Variants in DMD observed in about 807,000 individuals in gnomAD.
DMD encodes dystrophin, also known as mutant dystrophin.
A neutral mutation model predicts 330.1 loss-of-function variants in DMD; 63 were observed. The observed-to-expected ratio is 0.19, with a 90% CI of 0.16 to 0.24. The LOEUF (loss-of-function observed/expected upper bound fraction) is 0.24. Ranked by LOEUF, DMD falls within the 10% of genes least tolerant of loss-of-function variation. The pLI, the probability that DMD is intolerant of heterozygous loss-of-function variation, is 1.00. For synonymous variants in DMD, 1,223 were observed against 959.8 expected, an observed-to-expected ratio of 1.27 and a Z score of -5.07; for missense variants, 3,344 against 2,684.1, an observed-to-expected ratio of 1.25 and a Z score of -5.43.
intron 11 of DMD, among the ~76,000 whole-genome samples, chrX:32,625,600 A>G (rs1335035701): frequency 2.7e-5 from 3 of 112,317 alleles, no homozygotes; most frequent in African/African-American, 9.7e-5. Flanking sequence ...TCCATATACA[A>G]ATTTATAAAT....
At chrX:32,816,770 T>C in intron 5 of DMD, 130 bp from the exon 6 acceptor site, 1 of 601,994 alleles carries the variant, frequency 1.7e-6, no homozygotes, top group Admixed American at 2.7e-5. Context: ...TGAGACATAA[T>C]AGATTCTACC....
chrX:33,112,579 A>T (rs1224224241), intron 1 of DMD, among the ~76,000 whole-genome samples: 5 of 111,453 alleles, frequency 4.5e-5, no homozygotes, highest in African/African-American at 6.5e-5. Context: ...TTGGAAGTGT[A>T]CCGTCCTATC....
At chrX:31,805,087 T>C (rs1255879415) in intron 50 of DMD, among the ~76,000 whole-genome samples, 1 of 111,633 alleles carries the variant, frequency 9.0e-6, no homozygotes, top group Non-Finnish European at 1.9e-5. Context: ...GTCAGATTAG[T>C]ATATTGATAA....
At chrX:32,096,795 A>G (rs377168138) in intron 44 of DMD, among the ~76,000 whole-genome samples, 1 of 111,756 alleles carries the variant, frequency 8.9e-6, no homozygotes. Context: ...CGAGTCAACC[A>G]TCATTAAGAC....
chrX:32,795,765 T>A (rs190377994), intron 7 of DMD, among the ~76,000 whole-genome samples: 1 of 110,773 alleles, frequency 9.0e-6, no homozygotes, highest in African/African-American at 3.3e-5. Flanking sequence ...AATTTAACAG[T>A]AAAAAAATAA....
chrX:32,996,765 C>T (rs1199072446), intron 2 of DMD, among the ~76,000 whole-genome samples: 2 of 107,809 alleles, frequency 1.9e-5, no homozygotes, highest in Non-Finnish European at 3.8e-5. Flanking sequence ...TGCAGTGAGC[C>T]GAGATAGTGC....
At chrX:31,243,555 C>T (rs2048555438) in intron 63 of DMD, among the ~76,000 whole-genome samples, 1 of 112,330 alleles carries the variant, frequency 8.9e-6, no homozygotes, top group Non-Finnish European at 1.9e-5. Flanking sequence ...AGAAGAAAAA[C>T]ACCCAGCAGA....
At chrX:32,287,197 G>A (rs1226880335) in intron 43 of DMD, among the ~76,000 whole-genome samples, 1 of 111,397 alleles carries the variant, frequency 9.0e-6, no homozygotes, top group South Asian at 3.7e-4. Context: ...CTATAAATTT[G>A]TAGATACAGA....
chrX:31,769,193 C>T (rs897756395), intron 51 of DMD, among the ~76,000 whole-genome samples: 2 of 111,948 alleles, frequency 1.8e-5, no homozygotes, highest in African/African-American at 6.5e-5. Flanking sequence ...ATTTCAATTA[C>T]TGCACGTCTA....
intron 21 of DMD, among the ~76,000 whole-genome samples, chrX:32,481,758 G>A (rs1166519683): frequency 8.9e-6 from 1 of 111,870 alleles, no homozygotes; most frequent in African/African-American, 3.2e-5. Flanking sequence ...ATTATAATCT[G>A]CAATAATATT....
intron 1 of DMD, among the ~76,000 whole-genome samples, chrX:33,158,738 C>T (rs1427551882): frequency 2.7e-5 from 3 of 111,521 alleles, no homozygotes; most frequent in Non-Finnish European, 5.6e-5. Flanking sequence ...CATGTCCCAG[C>T]ACCCCAATTA....
At chrX:31,430,597 G>A (rs1340028683) in intron 60 of DMD, among the ~76,000 whole-genome samples, 1 of 110,355 alleles carries the variant, frequency 9.1e-6, no homozygotes, top group Non-Finnish European at 1.9e-5. Flanking sequence ...ATGTGGCACT[G>A]AGATACTTTG....
At chrX:31,355,621 T>C (rs2058629647) in intron 60 of DMD, among the ~76,000 whole-genome samples, 1 of 111,686 alleles carries the variant, frequency 9.0e-6, no homozygotes, top group African/African-American at 3.3e-5. Context: ...GTTTTTGTCC[T>C]GAAGTTTTTC....
At position 32,053,984 on chromosome X, in the gene DMD, T is replaced by C. The variant is rs1002213267; in HGVS notation, c.6439-85470A>G. Among the ~76,000 whole-genome samples the C allele has an allele frequency of 1.1e-3, 117 of 109,332 alleles. 1 individual carries two copies. The highest frequency in any genetic ancestry group is 3.7e-3 in the African/African-American group (111 of 30,074). The allele number at this position is 109,332 out of a possible 115,157, so 94.9% of individuals were successfully genotyped here. ...GGAATTAAATGCACATAGGAAAATA[T>C]TGATTTTGTCCATTAGACTTCTAAA... On this transcript the variant is annotated intron_variant, in intron 44 of 78. Coordinates refer to ENST00000357033, the MANE Select transcript of DMD (RefSeq NM_004006.3).
intron 18 of DMD, among the ~76,000 whole-genome samples, chrX:32,515,047 A>G (rs1169383506): frequency 8.9e-6 from 1 of 112,244 alleles, no homozygotes; most frequent in Non-Finnish European, 1.9e-5. Context: ...TATCTTTGGA[A>G]TTGTCTCTGT....
chrX:31,336,953 T>C (rs1271311835), intron 61 of DMD, among the ~76,000 whole-genome samples: 3 of 104,445 alleles, frequency 2.9e-5, no homozygotes, highest in Non-Finnish European at 5.9e-5. Context: ...AGATGGAGTC[T>C]CGCCCTGTTG....
intron 60 of DMD, among the ~76,000 whole-genome samples, chrX:31,374,627 A>C (rs1336743784): frequency 5.6e-5 from 5 of 88,767 alleles, no homozygotes. Flanking sequence ...AACAATGAGA[A>C]CACATGGACA....
intron 44 of DMD, among the ~76,000 whole-genome samples, chrX:31,975,403 C>T (rs764043590): frequency 8.0e-5 from 9 of 111,991 alleles, no homozygotes; most frequent in Admixed American, 6.6e-4. Context: ...TAATCCTTCT[C>T]GCCTTCTAAC....
At position 33,160,489 on chromosome X, in the gene DMD, C is replaced by T. The variant is rs192921698; in HGVS notation, c.31+50793G>A. Among the ~76,000 whole-genome samples the T allele has an allele frequency of 6.6e-4, 74 of 111,590 alleles. 1 individual carries two copies. Among genetic ancestry groups the T allele is most frequent in the African/African-American group, 2.1e-3 (66 of 30,728 alleles). Reference sequence around the variant, plus strand: ...TTCAGTCCTCACCTGCCTTCTCAGCCGAGCATGCCTGGGCATGCAAAAATA... The same window carrying T: ...TTCAGTCCTCACCTGCCTTCTCAGCTGAGCATGCCTGGGCATGCAAAAATA... On this transcript the variant is annotated intron_variant, in intron 1 of 78. Transcript: ENST00000357033.
Sources: gnomAD v4.1 joint callset for allele counts (sites outside exome capture counted in the v4.1 genomes callset) on GRCh38, gnomAD v4.1.1 for gene constraint, MANE v1.5 for transcripts, NCBI Gene and HGNC (gene_info 2026-07-23, HGNC 2026-07-21) for gene names.